The following GMDS variants were observed in gnomAD, a reference collection of about 807,000 sequenced individuals.
GMDS encodes the protein GDP-mannose 4,6-dehydratase.
In GMDS, 20 loss-of-function variants were observed where a neutral mutation model predicts 49.9. The ratio of observed to expected loss-of-function variants is 0.40; its 90% CI spans 0.28 to 0.58. GMDS has a LOEUF of 0.58. Ranked by LOEUF, GMDS falls within the 20% of genes least tolerant of loss-of-function variation. The pLI is 0.42. For missense variants in GMDS, 362 were observed against 481.4 expected (o/e 0.75, Z 2.32); for synonymous variants, 177 against 178.6 (o/e 0.99, Z 0.07).
At chr6:1,722,882 T>C (rs1766434468) in intron 9 of GMDS, among the ~76,000 whole-genome samples, 1 of 152,172 alleles carries the variant, frequency 6.6e-6, no homozygotes, top group South Asian at 2.1e-4. Flanking sequence ...AATGTTATCA[T>C]CAACAAATAC....
chr6:2,113,495 G>A lies in GMDS; in HGVS notation c.345+2276C>T, dbSNP rs192759824. Among the ~76,000 whole-genome samples the A allele has an allele frequency of 1.5e-4, 23 of 151,652 alleles. 1 individual carries two copies. Among genetic ancestry groups the A allele is most frequent in the African/African-American group, 4.4e-4 (18 of 41,362 alleles). On this transcript the variant is annotated intron_variant, in intron 4 of 10. Transcript: ENST00000380815. Reference sequence around the variant, plus strand: ...ATACTGGTTCTGCTCAGCTCATCTCGAATGCTCATGATGCTGCAAACATGT... The same window carrying A: ...ATACTGGTTCTGCTCAGCTCATCTCAAATGCTCATGATGCTGCAAACATGT...
At chr6:2,055,638 T>C (rs977920568) in intron 4 of GMDS, among the ~76,000 whole-genome samples, 1 of 152,156 alleles carries the variant, frequency 6.6e-6, no homozygotes, top group East Asian at 1.9e-4. Context: ...AAACACTAAA[T>C]TGGACTCCCC....
At chr6:2,213,739 G>A (rs975875590) in intron 1 of GMDS, among the ~76,000 whole-genome samples, 2 of 152,130 alleles carry the variant, frequency 1.3e-5, no homozygotes, top group African/African-American at 4.8e-5. Context: ...GCACAGTGGG[G>A]TCTATGAGAA....
intron 4 of GMDS, among the ~76,000 whole-genome samples, chr6:2,095,957 G>A (rs1248793031): frequency 2.0e-5 from 3 of 152,206 alleles, no homozygotes; most frequent in African/African-American, 7.2e-5. Context: ...GGACATCACA[G>A]ATAGAGCAAG....
chr6:1,878,232 A>C (rs368457346), intron 7 of GMDS, among the ~76,000 whole-genome samples: 1 of 146,606 alleles, frequency 6.8e-6, no homozygotes, highest in East Asian at 2.1e-4. Context: ...GGAGAACGGC[A>C]TGAACCTGGG....
At chr6:1,675,810 G>C (rs1283754534) in intron 9 of GMDS, among the ~76,000 whole-genome samples, 1 of 149,886 alleles carries the variant, frequency 6.7e-6, no homozygotes, top group African/African-American at 2.5e-5. Flanking sequence ...CCGAGATCAC[G>C]CCACTGCACT....
chr6:1,705,460 C>G (rs948741135), intron 9 of GMDS, among the ~76,000 whole-genome samples: 2 of 152,156 alleles, frequency 1.3e-5, no homozygotes, highest in African/African-American at 4.8e-5. Flanking sequence ...TCTGAGCAGC[C>G]CCAGCACCAT....
chr6:2,001,690 T>C (rs982564640), intron 4 of GMDS, among the ~76,000 whole-genome samples: 1 of 152,122 alleles, frequency 6.6e-6, no homozygotes, highest in Non-Finnish European at 1.5e-5. Flanking sequence ...TAAGAATAGA[T>C]GCACAAATCA....
intron 4 of GMDS, among the ~76,000 whole-genome samples, chr6:1,967,078 G>A (rs773492831): frequency 6.6e-6 from 1 of 152,138 alleles, no homozygotes; most frequent in Non-Finnish European, 1.5e-5. Flanking sequence ...GGTCCTGCCT[G>A]GAGCCTTCAC....
chr6:1,888,139 T>TG (rs1561866713), intron 7 of GMDS, among the ~76,000 whole-genome samples: 1 of 144,196 alleles, frequency 6.9e-6, no homozygotes, highest in East Asian at 2.1e-4. Flanking sequence ...TTATTATTTT[T>TG]TTTTTTTTTT....
chr6:2,119,078 T>TA lies in GMDS; in HGVS notation c.148-1523dup, dbSNP rs577737513. On this transcript the variant is annotated intron_variant, in intron 2 of 10. Coordinates refer to ENST00000380815, the MANE Select transcript of GMDS (RefSeq NM_001500.4). ...GATGTAAATTCTCTGTTTTATTAAA[T>TA]AAAAAAAGTCTATATACTAAAAAGA... Among the ~76,000 whole-genome samples the TA allele has an allele frequency of 6.6e-5, 10 of 152,136 alleles. No homozygotes were observed. The South Asian group carries it at 2.1e-3, about 32-fold the overall frequency.
chr6:2,140,084 C>A (rs1018215291), intron 1 of GMDS, among the ~76,000 whole-genome samples: 2 of 152,188 alleles, frequency 1.3e-5, no homozygotes, highest in Admixed American at 6.5e-5. Flanking sequence ...ATCCTCACCA[C>A]TGAAATCTGT....
intron 7 of GMDS, among the ~76,000 whole-genome samples, chr6:1,781,861 T>TC (rs1176125946): frequency 1.3e-5 from 2 of 152,008 alleles, no homozygotes; most frequent in Admixed American, 6.5e-5. Context: ...ACCAACTTTT[T>TC]TTTTTTTTTG....
chr6:2,155,185 T>C (rs1444850365), intron 1 of GMDS, among the ~76,000 whole-genome samples: 1 of 152,160 alleles, frequency 6.6e-6, no homozygotes, highest in Non-Finnish European at 1.5e-5. Flanking sequence ...TCTGATATAA[T>C]GCAAAGATAT....
intron 1 of GMDS, among the ~76,000 whole-genome samples, chr6:2,192,356 C>G (rs1482316288): frequency 6.6e-6 from 1 of 152,214 alleles, no homozygotes; most frequent in Non-Finnish European, 1.5e-5. Context: ...TGCTCACCCT[C>G]CACTTGTCTG....
At chr6:1,632,581 C>G (rs1763030266) in intron 9 of GMDS, among the ~76,000 whole-genome samples, 1 of 152,206 alleles carries the variant, frequency 6.6e-6, no homozygotes, top group Admixed American at 6.5e-5. Context: ...GATTTTATCT[C>G]AACACAAAAA....
intron 8 of GMDS, among the ~76,000 whole-genome samples, chr6:1,727,100 GT>G (rs1766618465): frequency 6.6e-6 from 1 of 152,108 alleles, no homozygotes; most frequent in Admixed American, 6.5e-5. Context: ...CCTCCAAAAA[GT>G]ACAGAACTAA....
chr6:1,964,774 C>A (rs1159258344), intron 4 of GMDS, among the ~76,000 whole-genome samples: 2 of 152,070 alleles, frequency 1.3e-5, no homozygotes, highest in East Asian at 3.9e-4. Flanking sequence ...GTGTGCTGCA[C>A]CCAGTAACTC....
intron 9 of GMDS, among the ~76,000 whole-genome samples, chr6:1,718,486 G>A (rs1400923534): frequency 6.6e-6 from 1 of 151,926 alleles, no homozygotes; most frequent in African/African-American, 2.4e-5. Context: ...TGATTCCATG[G>A]TCTCCATCTC....
Sources: gnomAD v4.1 joint callset for allele counts (sites outside exome capture counted in the v4.1 genomes callset) on GRCh38, gnomAD v4.1.1 for gene constraint, MANE v1.5 for transcripts, NCBI Gene and HGNC (gene_info 2026-07-23, HGNC 2026-07-21) for gene names.